Variants in METTL15 observed in about 807,000 individuals in gnomAD.
The protein encoded by METTL15 is methyltransferase 15, mitochondrial 12S rRNA N4-cytidine.
Under a neutral mutation model 38.3 loss-of-function variants are expected in METTL15, and 34 were observed. The ratio of observed to expected loss-of-function variants is 0.89; its 90% CI spans 0.68 to 1.18. METTL15 has a LOEUF of 1.18. Among genes scored for constraint, METTL15 ranks in the 50% most tolerant of loss-of-function variants. The pLI is 0.00. For missense variants in METTL15, 438 were observed against 498.4 expected, an observed-to-expected ratio of 0.88 and a Z score of 1.15; for synonymous variants, 162 against 170.9, an observed-to-expected ratio of 0.95 and a Z score of 0.41.
At chr11:28,248,240 C>T (rs1367460649) in intron 4 of METTL15, among the ~76,000 whole-genome samples, 1 of 151,996 alleles carries the variant, frequency 6.6e-6, no homozygotes, top group Non-Finnish European at 1.5e-5. Context: ...AACAATGAGA[C>T]CTCCTCATAT....
intron 3 of METTL15, among the ~76,000 whole-genome samples, chr11:28,166,275 T>G (rs1252947466): frequency 6.6e-6 from 1 of 152,216 alleles, no homozygotes; most frequent in African/African-American, 2.4e-5. Flanking sequence ...TTTCCCTCCT[T>G]GTGCAAACAC....
intron 6 of METTL15, among the ~76,000 whole-genome samples, chr11:28,299,303 T>TC: frequency 6.6e-6 from 1 of 151,522 alleles, no homozygotes; most frequent in Non-Finnish European, 1.5e-5. Context: ...TGAGAAGTTT[T>TC]CTAGATTTTC....
chr11:28,510,325 T>C (rs1444046147), intron 6 of METTL15, among the ~76,000 whole-genome samples: 1 of 152,192 alleles, frequency 6.6e-6, no homozygotes, highest in Non-Finnish European at 1.5e-5. Context: ...AAAAATATGT[T>C]TTGCATCTGT....
At chr11:28,408,161 G>T (rs1170759548) in intron 5 of METTL15, among the ~76,000 whole-genome samples, 2 of 152,158 alleles carry the variant, frequency 1.3e-5, no homozygotes, top group African/African-American at 4.8e-5. Context: ...TGTTGGTTCA[G>T]GGGGTGGGGT....
chr11:28,294,853 T>G (rs188189341), intron 5 of METTL15, among the ~76,000 whole-genome samples: 1 of 152,290 alleles, frequency 6.6e-6, no homozygotes, highest in Admixed American at 6.5e-5. Flanking sequence ...GTCCAATTAT[T>G]TATTTAGAGT....
intron 6 of METTL15, among the ~76,000 whole-genome samples, chr11:28,307,081 C>T (rs943655084): frequency 6.6e-6 from 1 of 151,826 alleles, no homozygotes; most frequent in Admixed American, 6.6e-5. Flanking sequence ...CTGTAATCTT[C>T]AGATGACTGT....
At chr11:28,277,587 A>C (rs1045145502) in intron 4 of METTL15, among the ~76,000 whole-genome samples, 1 of 151,974 alleles carries the variant, frequency 6.6e-6, no homozygotes, top group Non-Finnish European at 1.5e-5. Context: ...AATCCCAGCT[A>C]TTTGGGAGGC....
At chr11:28,212,680 A>G (rs1014456322) in intron 4 of METTL15, among the ~76,000 whole-genome samples, 8 of 152,174 alleles carry the variant, frequency 5.3e-5, no homozygotes, top group African/African-American at 1.9e-4. Flanking sequence ...TTTATTGTTT[A>G]GGGAATAGTG....
At chr11:28,501,305 TG>T (rs1851580915) in intron 6 of METTL15, among the ~76,000 whole-genome samples, 1 of 152,198 alleles carries the variant, frequency 6.6e-6, no homozygotes, top group Admixed American at 6.5e-5. Context: ...CCCTCTTTCC[TG>T]CTTAAGATTC....
intron 3 of METTL15, among the ~76,000 whole-genome samples, chr11:28,176,799 A>G (rs1851092579): frequency 6.6e-6 from 1 of 152,092 alleles, no homozygotes; most frequent in Non-Finnish European, 1.5e-5. Flanking sequence ...TTATGATATT[A>G]CTGTGTATGG....
intron 6 of METTL15, among the ~76,000 whole-genome samples, chr11:28,495,830 T>A (rs1204710086): frequency 6.6e-6 from 1 of 151,516 alleles, no homozygotes; most frequent in African/African-American, 2.4e-5. Context: ...GAGACTATGC[T>A]GGAAAGCTCA....
chr11:28,164,379 G>C (rs1381456617), intron 3 of METTL15, among the ~76,000 whole-genome samples: 1 of 151,950 alleles, frequency 6.6e-6, no homozygotes, highest in East Asian at 1.9e-4. Context: ...TATTGATACT[G>C]TAGAACGTAT....
chr11:28,241,090 G>A (rs904795540), intron 4 of METTL15, among the ~76,000 whole-genome samples: 31 of 152,062 alleles, frequency 2.0e-4, no homozygotes, highest in African/African-American at 7.2e-4. Context: ...CCTACAATGT[G>A]CCAGGTACTT....
chr11:28,401,029 A>C (rs1025050846), intron 5 of METTL15, among the ~76,000 whole-genome samples: 2 of 151,996 alleles, frequency 1.3e-5, no homozygotes, highest in African/African-American at 4.8e-5. Context: ...TGTTTTAAAA[A>C]TAGCCAGCAA....
intron 6 of METTL15, among the ~76,000 whole-genome samples, chr11:28,465,884 C>T (rs532095695): frequency 7.8e-4 from 119 of 152,286 alleles, no homozygotes; most frequent in African/African-American, 2.7e-3. Flanking sequence ...CCAGGCATTG[C>T]CAAATGTCTT....
At chr11:28,399,963 T>C (rs1231135494) in intron 5 of METTL15, among the ~76,000 whole-genome samples, 1 of 151,908 alleles carries the variant, frequency 6.6e-6, no homozygotes, top group Non-Finnish European at 1.5e-5. Context: ...TACCACAACG[T>C]AGCATGTAAT....
At chr11:28,378,727 C>G (rs1336248879) in intron 5 of METTL15, among the ~76,000 whole-genome samples, 1 of 144,054 alleles carries the variant, frequency 6.9e-6, no homozygotes, top group East Asian at 2.0e-4. Flanking sequence ...ATGCTAGTGT[C>G]TTAGAATGGG....
chr11:28,295,438 A>G (rs1856696111), intron 5 of METTL15, among the ~76,000 whole-genome samples: 1 of 152,092 alleles, frequency 6.6e-6, no homozygotes, highest in Non-Finnish European at 1.5e-5. Flanking sequence ...CAAGACATTC[A>G]TTGTTCTGTG....
At chr11:28,359,250 C>A (rs914315465) in intron 4 of METTL15, among the ~76,000 whole-genome samples, 5 of 152,164 alleles carry the variant, frequency 3.3e-5, no homozygotes, top group Admixed American at 6.5e-5. Context: ...CATGTTGCTG[C>A]AAATGGCATA....
Sources: allele counts gnomAD v4.1 joint callset (sites outside exome capture counted in the v4.1 genomes callset), GRCh38; gene constraint gnomAD v4.1.1; transcripts MANE v1.5; gene names NCBI Gene and HGNC (gene_info 2026-07-23, HGNC 2026-07-21).